AKNA: variants seen among roughly 807,000 people sequenced by gnomAD.
AKNA encodes AT-hook transcription factor.
In AKNA, 67 loss-of-function variants were observed where a neutral mutation model predicts 138.8. The ratio of observed to expected loss-of-function variants is 0.48; its 90% CI spans 0.40 to 0.59. The LOEUF is 0.59. AKNA is among the 20% of genes least tolerant of loss of function. The pLI is 0.00. For missense variants in AKNA, 1,813 were observed against 1,880.4 expected, an observed-to-expected ratio of 0.96 and a Z score of 0.66; for synonymous variants, 737 against 754.4, an observed-to-expected ratio of 0.98 and a Z score of 0.38.
rs962827121 is a variant in AKNA, at chr9:114,368,615, C to T, written c.1417-20G>A. 3.0e-6 allele frequency: 4 copies of T among 1,355,340 alleles called. No individual in the cohort carries two copies. In the African/African-American group the frequency reaches 4.5e-5, roughly 15 times the overall value. 84.0% of individuals were successfully genotyped at this position (1,355,340 alleles called of 1,614,324 possible). A position where few individuals can be genotyped will look rare whatever the true frequency, so the allele number is the denominator to read the frequency against. On this transcript the variant is annotated intron_variant, in intron 4 of 21. Coordinates refer to ENST00000374088, the MANE Select transcript of AKNA (RefSeq NM_001317950.2). Reference sequence around the variant, plus strand: ...GTTCACCTGTGGAAGCAGGGAGGCACAGCACAGCCAAGTCAGGGTAGGGGC... The same window carrying T: ...GTTCACCTGTGGAAGCAGGGAGGCATAGCACAGCCAAGTCAGGGTAGGGGC...
chr9:114,362,371 A>G (rs1185503893), intron 8 of AKNA, 35 bp downstream of exon 8: 2 of 1,594,618 alleles, frequency 1.3e-6, no homozygotes, highest in Admixed American at 1.7e-5. Context: ...GGCCCATCCC[A>G]TCTGTCCTTC....
rs1196310111 is a variant in AKNA at position 114,359,746 on chromosome 9, C to T, written c.2340G>A (p.Glu780=). ...CCTCCTCCTCCTCCTCTCCTTCTTC[C>T]TCCTCCTCCATTCTCATGGCTTCTG... The part of the protein sequence containing the change: ...SLPEAMRMEE[E]EEGEEEEEEE... The change falls in exon 11 of 22, where the codon GAG becomes GAA. Residue 780 remains glutamate (E), a synonymous_variant. Coordinates refer to ENST00000374088, the MANE Select transcript of AKNA (RefSeq NM_001317950.2). 2 of 1,603,710 alleles carry T rather than the reference C, an allele frequency of 1.2e-6. No homozygotes were observed. Among genetic ancestry groups the T allele is most frequent in the Admixed American group, 1.7e-5 (1 of 59,434 alleles).
At chr9:114,330,577 G>A, downstream of AKNA, 1 of 1,612,926 alleles carries the variant, frequency 6.2e-7, no homozygotes, top group African/African-American at 1.4e-5. Context: ...ACCAGACCCG[G>A]TGAGAGCCCC....
Position 114,337,013 on chromosome 9 carries a change from G to GTCCC in AKNA, c.*40_*41insGGGA. 6.7e-6 allele frequency: 8 copies of GTCCC among 1,185,370 alleles called. No homozygotes were observed. The highest frequency in any genetic ancestry group is 2.5e-5 in the South Asian group (1 of 40,612). 73.4% of individuals were successfully genotyped at this position (1,185,370 alleles called of 1,614,324 possible). On this transcript the variant is annotated 3_prime_UTR_variant, in exon 22 of 22. Coordinates refer to ENST00000374088, the MANE Select transcript of AKNA (RefSeq NM_001317950.2). ...CCACTCCTGGCCTGGCAGGCCACCT[G>GTCCC]CCCACCCACCCACCCATCTGCCTCT...
At chr9:114,350,194 A>G (rs973039101) in intron 15 of AKNA, among the ~76,000 whole-genome samples, 2 of 152,332 alleles carry the variant, frequency 1.3e-5, no homozygotes, top group South Asian at 4.1e-4. Context: ...TAGACTTACT[A>G]AACTCAGACA....
chr9:114,347,513 G>A (rs1237034988), intron 16 of AKNA, among the ~76,000 whole-genome samples: 3 of 152,178 alleles, frequency 2.0e-5, no homozygotes, highest in Non-Finnish European at 4.4e-5. Flanking sequence ...CACTGCGCCC[G>A]GCCTATTCTT....
At chr9:114,358,528 G>A (rs1831671765) in intron 11 of AKNA, among the ~76,000 whole-genome samples, 1 of 152,138 alleles carries the variant, frequency 6.6e-6, no homozygotes, top group South Asian at 2.1e-4. Flanking sequence ...CAAAACAGAA[G>A]ATCAGTGTGT....
intron 6 of AKNA, 73 bp downstream of exon 6, chr9:114,367,470 C>T: frequency 6.4e-7 from 1 of 1,558,434 alleles, no homozygotes; most frequent in East Asian, 2.3e-5. Context: ...GTGCCTCTCA[C>T]CCAAGCAGGC....
Position 114,351,031 on chromosome 9 carries a change from C to A in AKNA, c.3059-10G>T. 6.2e-7 allele frequency: 1 copy of A among 1,612,540 alleles called. No homozygotes were observed. The highest frequency in any genetic ancestry group is 1.7e-5 in the Admixed American group (1 of 59,782). ...TCTGAGCCAGGAACCGCTAGGGAGG[C>A]AGAGAGAGAACCCAAAGTGAGTTTA... On this transcript the variant is annotated splice_polypyrimidine_tract_variant and intron_variant, in intron 14 of 21. Transcript: ENST00000374088.
chr9:114,335,771 C>CAAAAAAAAAAAAAAAAGAAAAAAAAAA lies in AKNA; in HGVS notation c.*1282_*1283insTTTTTTTTTTCTTTTTTTTTTTTTTTT, dbSNP rs1829962158. ...GGGCAACCAGAGCAAAACTCAGTCT[C>CAAAAAAAAAAAAAAAAGAAAAAAAAAA]AAAAAAAAAAAAAAAAAGAAAAAGA... is the stretch of plus-strand genomic sequence containing the variant. On this transcript the variant is annotated 3_prime_UTR_variant, in exon 22 of 22. Coordinates refer to ENST00000374088, the MANE Select transcript of AKNA (RefSeq NM_001317950.2). The CAAAAAAAAAAAAAAAAGAAAAAAAAAA allele has an allele frequency of 9.8e-6, 1 of 101,684 alleles. No individual in the cohort carries two copies. Among genetic ancestry groups the CAAAAAAAAAAAAAAAAGAAAAAAAAAA allele is most frequent in the Non-Finnish European group, 2.0e-5 (1 of 49,222 alleles). 6.3% of individuals were successfully genotyped at this position (101,684 alleles called of 1,614,324 possible).
At chr9:114,342,641 C>T (rs1407823514) in intron 19 of AKNA, among the ~76,000 whole-genome samples, 1 of 152,216 alleles carries the variant, frequency 6.6e-6, no homozygotes, top group Admixed American at 6.5e-5. Flanking sequence ...TCTCTTCCCA[C>T]ATACATCCCC....
intron 5 of AKNA, among the ~76,000 whole-genome samples, chr9:114,367,908 A>T (rs576152176): frequency 1.3e-5 from 2 of 152,248 alleles, no homozygotes; most frequent in Non-Finnish European, 2.9e-5. Context: ...CCCAGGCCAC[A>T]TGGTTGGCTG....
rs201847183 is a variant in AKNA, at chr9:114,341,579, C to T, written c.4021G>A (p.Ala1341Thr). 3.7e-6 allele frequency: 6 copies of T among 1,613,932 alleles called. No homozygotes were observed. The African/African-American group carries it at 8.0e-5, about 22-fold the overall frequency. The change falls in exon 21 of 22, where the codon GCC (alanine) becomes ACC (threonine). Residue 1341 changes from alanine (A) to threonine (T), a missense_variant. Coordinates refer to ENST00000374088, the MANE Select transcript of AKNA (RefSeq NM_001317950.2). ...ATGATGGGAACCGAGGAGATGTAGG[C>T]AAAGGCTGGAGGGGCTGGTGCTGGG... Reference protein sequence around the residue: ...APPAPAPPAFAYISSVPIMPY... With the variant: ...APPAPAPPAFTYISSVPIMPY...
chr9:114,331,176 A>G (rs956985244), downstream of AKNA, among the ~76,000 whole-genome samples: 1 of 152,004 alleles, frequency 6.6e-6, no homozygotes, highest in Non-Finnish European at 1.5e-5. Context: ...TTGCAAACCA[A>G]TGGTAGAAGC....
intron 9 of AKNA, 58 bp from the exon 10 acceptor site, chr9:114,360,120 A>G (rs769246453): frequency 2.2e-5 from 35 of 1,608,880 alleles, no homozygotes; most frequent in Middle Eastern, 1.7e-4. Context: ...ACCACTTTTA[A>G]GCACTTACCT....
At chr9:114,383,817 G>C (rs570556523) in intron 1 of AKNA, among the ~76,000 whole-genome samples, 1 of 152,200 alleles carries the variant, frequency 6.6e-6, no homozygotes, top group Admixed American at 6.5e-5. Context: ...TCAAGGGCTG[G>C]AGGAGGGAGG....
upstream of AKNA, among the ~76,000 whole-genome samples, chr9:114,388,765 T>C (rs980000321): frequency 2.6e-5 from 4 of 152,188 alleles, no homozygotes; most frequent in Middle Eastern, 3.2e-3. Flanking sequence ...CCTGGGAATA[T>C]GGCAGGGCCG....
chr9:114,396,418 C>T (rs545280552), upstream of AKNA, among the ~76,000 whole-genome samples: 5 of 152,258 alleles, frequency 3.3e-5, no homozygotes, highest in South Asian at 2.1e-4. Context: ...CGGTGGCTCA[C>T]GCCTGTAATC....
chr9:114,331,619 C>T, downstream of AKNA: 1 of 1,614,048 alleles, frequency 6.2e-7, no homozygotes, highest in South Asian at 1.1e-5. Flanking sequence ...ACACCAAGAC[C>T]TTGATGTTTG....
Sources: allele counts gnomAD v4.1 joint callset (sites outside exome capture counted in the v4.1 genomes callset), GRCh38; gene constraint gnomAD v4.1.1; transcripts MANE v1.5; gene names NCBI Gene and HGNC (gene_info 2026-07-23, HGNC 2026-07-21).